Variants in SIPA1L3 observed in about 807,000 individuals in gnomAD.
The protein encoded by SIPA1L3 is signal-induced proliferation-associated 1-like protein 3.
Under a neutral mutation model 150.1 loss-of-function variants are expected in SIPA1L3, and 59 were observed. The ratio of observed to expected loss-of-function variants is 0.39; its 90% CI spans 0.32 to 0.49. The LOEUF (loss-of-function observed/expected upper bound fraction) is 0.49, where lower values mean the gene tolerates loss of function less well. SIPA1L3 is among the 20% of genes least tolerant of loss of function. SIPA1L3 has a pLI of 0.86. For synonymous variants in SIPA1L3, 1,070 were observed against 1,077.6 expected, an observed-to-expected ratio of 0.99 and a Z score of 0.14; for missense variants, 2,211 against 2,489.5, an observed-to-expected ratio of 0.89 and a Z score of 2.38.
At chr19:38,073,459 C>CT (rs1366233828) in intron 2 of SIPA1L3, among the ~76,000 whole-genome samples, 1 of 152,242 alleles carries the variant, frequency 6.6e-6, no homozygotes, top group Non-Finnish European at 1.5e-5. Flanking sequence ...TCCCAACTGA[C>CT]TGTCTCCCAC....
At chr19:38,148,333 A>G (rs1971744541) in intron 12 of SIPA1L3, among the ~76,000 whole-genome samples, 1 of 151,664 alleles carries the variant, frequency 6.6e-6, no homozygotes, top group Non-Finnish European at 1.5e-5. Flanking sequence ...CCTGGGTGAC[A>G]GAACAAGACT....
chr19:37,993,910 T>C (rs1013691577), intron 1 of SIPA1L3, among the ~76,000 whole-genome samples: 1 of 152,174 alleles, frequency 6.6e-6, no homozygotes, highest in African/African-American at 2.4e-5. Flanking sequence ...ATTATTTTTT[T>C]TTAGAGACGG....
chr19:38,094,821 CT>C (rs1253462630), intron 4 of SIPA1L3, among the ~76,000 whole-genome samples: 2 of 152,092 alleles, frequency 1.3e-5, no homozygotes, highest in Non-Finnish European at 2.9e-5. Context: ...AATCCCAGCA[CT>C]TTTGGAGGCC....
chr19:38,082,400 G>T lies in SIPA1L3; in HGVS notation c.835G>T (p.Glu279Ter). ...DSLLPLQPTKEKEKARKKPAR... is the reference protein window; with the variant it reads ...DSLLPLQPTK ...CCTCCTGCCACTGCAGCCCACGAAG[G>T]AGAAGGAGAAGGCCCGGAAGAAACC... Residue 279 changes from glutamate to a stop codon, truncating the protein, a stop_gained, in exon 3 of 22, where the codon GAG (glutamate) becomes TAG (stop). Coordinates refer to ENST00000222345, the MANE Select transcript of SIPA1L3 (RefSeq NM_015073.3). LOFTEE classifies it high-confidence loss of function. 6.3e-7 allele frequency: 1 copy of T among 1,598,268 alleles called. No individual in the cohort carries two copies. The highest frequency in any genetic ancestry group is 8.5e-7 in the Non-Finnish European group (1 of 1,177,176).
intron 1 of SIPA1L3, among the ~76,000 whole-genome samples, chr19:37,960,623 G>A (rs1251144491): frequency 6.6e-6 from 1 of 151,730 alleles, no homozygotes; most frequent in Non-Finnish European, 1.5e-5. Context: ...TAGCCAGGAT[G>A]GTCTCGATCT....
chr19:38,023,201 G>A (rs1968418384), intron 1 of SIPA1L3, among the ~76,000 whole-genome samples: 1 of 152,208 alleles, frequency 6.6e-6, no homozygotes, highest in Admixed American at 6.5e-5. Context: ...TCATAGCTGT[G>A]TGTTCAGAGC....
chr19:38,043,124 G>T (rs955055618), intron 2 of SIPA1L3, among the ~76,000 whole-genome samples: 2 of 152,158 alleles, frequency 1.3e-5, no homozygotes, highest in Non-Finnish European at 2.9e-5. Flanking sequence ...CAGATCACTT[G>T]AGGTCAGGAG....
chr19:38,132,927 T>C (rs1187939185), intron 10 of SIPA1L3, among the ~76,000 whole-genome samples: 1 of 152,168 alleles, frequency 6.6e-6, no homozygotes, highest in Non-Finnish European at 1.5e-5. Context: ...GGATTACAGA[T>C]GTGAGCCACC....
intron 1 of SIPA1L3, among the ~76,000 whole-genome samples, chr19:37,919,626 G>T (rs2046441023): frequency 6.6e-6 from 1 of 151,208 alleles, no homozygotes; most frequent in Admixed American, 6.6e-5. Flanking sequence ...ACTTGTTCCG[G>T]CCTCCTCACT....
Position 38,091,244 on chromosome 19 carries a change from G to A in SIPA1L3, c.1665+2393G>A, listed in dbSNP as rs117709895. Among the ~76,000 whole-genome samples the A allele has an allele frequency of 6.2e-3, 939 of 152,002 alleles. 8 individuals are homozygous for A. Among genetic ancestry groups the A allele is most frequent in the Non-Finnish European group, 5.4e-3 (367 of 67,990 alleles). ...GTACTAAAAACACAAAAATTAGCTG[G>A]GTATATTAGTGCACACTTGTAGTCT... On this transcript the variant is annotated intron_variant, in intron 4 of 21. Coordinates refer to ENST00000222345, the MANE Select transcript of SIPA1L3 (RefSeq NM_015073.3).
intron 4 of SIPA1L3, among the ~76,000 whole-genome samples, chr19:38,093,993 C>T (rs562904760): frequency 3.3e-5 from 5 of 152,220 alleles, no homozygotes; most frequent in Admixed American, 6.5e-5. Context: ...GGCACCCCCC[C>T]ACAAGGCCCA....
intron 2 of SIPA1L3, among the ~76,000 whole-genome samples, chr19:38,072,660 G>C (rs1408873638): frequency 6.6e-6 from 1 of 152,268 alleles, no homozygotes; most frequent in African/African-American, 2.4e-5. Flanking sequence ...AGGCCACATG[G>C]GTTGCTCCAG....
intron 11 of SIPA1L3, among the ~76,000 whole-genome samples, chr19:38,141,976 A>G (rs1971596306): frequency 6.6e-6 from 1 of 152,158 alleles, no homozygotes; most frequent in African/African-American, 2.4e-5. Context: ...CTTATCTCTG[A>G]AAAATAAAAT....
intron 1 of SIPA1L3, among the ~76,000 whole-genome samples, chr19:37,910,871 C>T (rs951271854): frequency 3.9e-5 from 6 of 152,234 alleles, no homozygotes; most frequent in Admixed American, 2.0e-4. Context: ...GTTGAGATTA[C>T]AGGCGTGAGC....
chr19:37,924,878 C>G (rs1172978943), intron 1 of SIPA1L3, among the ~76,000 whole-genome samples: 2 of 151,226 alleles, frequency 1.3e-5, no homozygotes, highest in African/African-American at 4.9e-5. Context: ...GTGAAACCCT[C>G]TCTCTACTAA....
intron 1 of SIPA1L3, among the ~76,000 whole-genome samples, chr19:37,995,262 C>T (rs953350955): frequency 6.6e-6 from 1 of 152,142 alleles, no homozygotes; most frequent in African/African-American, 2.4e-5. Context: ...CAGGGGATGG[C>T]AGTGGCATCC....
At chr19:38,158,289 G>C (rs1428402208) in intron 13 of SIPA1L3, among the ~76,000 whole-genome samples, 1 of 152,148 alleles carries the variant, frequency 6.6e-6, no homozygotes, top group African/African-American at 2.4e-5. Context: ...ACAGGGTTTG[G>C]GGGGCATCTC....
chr19:38,152,615 C>A lies in SIPA1L3; in HGVS notation c.3534-225C>A, dbSNP rs573995071. Among the ~76,000 whole-genome samples, 205 of 152,352 alleles carry A rather than the reference C, an allele frequency of 1.3e-3. 1 individual carries two copies. Among genetic ancestry groups the A allele is most frequent in the Non-Finnish European group, 2.3e-3 (154 of 68,024 alleles). ...GGAACCCGCCTTGCCCCGCCGCCAC[C>A]AGCTCCCTGGCAGGCTTCCCAGGCG... On this transcript the variant is annotated intron_variant, in intron 12 of 21. Coordinates refer to ENST00000222345, the MANE Select transcript of SIPA1L3 (RefSeq NM_015073.3).
intron 2 of SIPA1L3, among the ~76,000 whole-genome samples, chr19:38,080,212 T>C (rs541735770): frequency 4.6e-5 from 7 of 152,332 alleles, no homozygotes; most frequent in African/African-American, 1.7e-4. Flanking sequence ...TCATGTTGAC[T>C]CATCTGTCAT....
Sources: allele counts gnomAD v4.1 joint callset (sites outside exome capture counted in the v4.1 genomes callset), GRCh38; gene constraint gnomAD v4.1.1; transcripts MANE v1.5; gene names NCBI Gene and HGNC (gene_info 2026-07-23, HGNC 2026-07-21).